TBL1X: variants seen among roughly 807,000 people sequenced by gnomAD.
TBL1X encodes F-box-like/WD repeat-containing protein TBL1X.
Under a neutral mutation model 50.7 loss-of-function variants are expected in TBL1X, and 10 were observed. The observed-to-expected ratio is 0.20, with a 90% CI of 0.12 to 0.33. TBL1X has a LOEUF of 0.33. TBL1X is among the 10% of genes least tolerant of loss of function. TBL1X has a pLI of 1.00. For missense variants in TBL1X, 340 were observed against 504.4 expected, an observed-to-expected ratio of 0.67 and a Z score of 3.12; for synonymous variants, 190 against 214.7, an observed-to-expected ratio of 0.88 and a Z score of 1.01.
intron 2 of TBL1X, chrX:9,637,474 A>G (rs969132898): frequency 1.8e-5 from 2 of 112,300 alleles, no homozygotes; most frequent in African/African-American, 3.2e-5. Context: ...TCTTTCATTC[A>G]TTAAGCTAAC....
At chrX:9,697,664 G>C (rs1414956295) in intron 12 of TBL1X, among the ~76,000 whole-genome samples, 1 of 111,744 alleles carries the variant, frequency 8.9e-6, no homozygotes, top group Non-Finnish European at 1.9e-5. Flanking sequence ...CCAGCCACTT[G>C]GGAGGTTGAG....
intron 2 of TBL1X, among the ~76,000 whole-genome samples, chrX:9,528,343 C>T (rs780205026): frequency 9.0e-6 from 1 of 111,256 alleles, no homozygotes; most frequent in African/African-American, 3.3e-5. Context: ...AGTTCATTTC[C>T]GAGGAATTGT....
intron 2 of TBL1X, among the ~76,000 whole-genome samples, chrX:9,633,692 TAC>T (rs1278151681): frequency 1.8e-5 from 2 of 112,474 alleles, no homozygotes; most frequent in African/African-American, 6.5e-5. Context: ...CTTAAAAAAA[TAC>T]ACATTGGAGA....
At chrX:9,632,782 G>A (rs1268523729) in intron 2 of TBL1X, among the ~76,000 whole-genome samples, 1 of 111,832 alleles carries the variant, frequency 8.9e-6, no homozygotes, top group Non-Finnish European at 1.9e-5. Context: ...TTATGTAGAG[G>A]GTATGCAAAC....
chrX:9,715,614 G>T (rs2083273676), intron 17 of TBL1X, among the ~76,000 whole-genome samples: 1 of 112,137 alleles, frequency 8.9e-6, no homozygotes, highest in Admixed American at 9.4e-5. Flanking sequence ...GTGCGTTGTT[G>T]CTGGAAACGT....
At chrX:9,642,058 G>A (rs1160829828) in intron 3 of TBL1X, among the ~76,000 whole-genome samples, 1 of 111,541 alleles carries the variant, frequency 9.0e-6, no homozygotes, top group Non-Finnish European at 1.9e-5. Context: ...AATATTTTTC[G>A]AAATGCCATT....
intron 2 of TBL1X, among the ~76,000 whole-genome samples, chrX:9,578,736 T>G (rs1258758285): frequency 8.9e-6 from 1 of 111,756 alleles, no homozygotes; most frequent in African/African-American, 3.3e-5. Flanking sequence ...GCGGCAGCAT[T>G]TATCATCCTA....
At chrX:9,505,413 C>G (rs1170895997) in intron 2 of TBL1X, among the ~76,000 whole-genome samples, 1 of 111,983 alleles carries the variant, frequency 8.9e-6, no homozygotes. Flanking sequence ...AACCAAATAG[C>G]ATCATGATGA....
intron 2 of TBL1X, among the ~76,000 whole-genome samples, chrX:9,522,638 G>T (rs948387510): frequency 1.8e-5 from 2 of 112,025 alleles, no homozygotes; most frequent in African/African-American, 6.5e-5. Flanking sequence ...TGCCAGGAGG[G>T]TTGGGACTGT....
intron 2 of TBL1X, among the ~76,000 whole-genome samples, chrX:9,520,174 A>G (rs773794658): frequency 1.4e-4 from 16 of 112,115 alleles, no homozygotes; most frequent in Non-Finnish European, 2.8e-4. Context: ...CCTTTTATGT[A>G]GCCACAAACT....
intron 6 of TBL1X, among the ~76,000 whole-genome samples, chrX:9,685,717 C>CTTTTCT (rs2083054378): frequency 1.7e-5 from 1 of 59,651 alleles, no homozygotes; most frequent in Non-Finnish European, 2.9e-5. Context: ...CTTTTCTTTT[C>CTTTTCT]TTTTTTTTTT....
At chrX:9,690,288 C>T (rs2083088818) in intron 7 of TBL1X, among the ~76,000 whole-genome samples, 1 of 112,291 alleles carries the variant, frequency 8.9e-6, no homozygotes, top group Admixed American at 9.4e-5. Context: ...AACAAAAGGC[C>T]ACACACCAGG....
chrX:9,592,841 G>A (rs2082508083), intron 2 of TBL1X, among the ~76,000 whole-genome samples: 1 of 112,300 alleles, frequency 8.9e-6, no homozygotes, highest in African/African-American at 3.2e-5. Context: ...CCGTTGTAGG[G>A]TCACTCACAC....
intron 2 of TBL1X, among the ~76,000 whole-genome samples, chrX:9,625,882 A>C (rs2082690296): frequency 8.9e-6 from 1 of 112,323 alleles, no homozygotes; most frequent in Admixed American, 9.4e-5. Flanking sequence ...GGCGGAGGTT[A>C]CAGTGAGCCG....
rs190466894 is a variant in TBL1X at position 9,539,217 on chromosome X, C to G, written c.-131+37368C>G. 2.1e-4 allele frequency among the ~76,000 whole-genome samples: 23 copies of G among 111,808 alleles called. No homozygotes were observed. The East Asian group carries it at 6.2e-3, about 30-fold the overall frequency. The stretch of plus-strand genomic sequence containing the variant: ...TGACCTTTATCACAAGAGTGTGGTT[C>G]TATGAAGGTCGTAGGTACAATAGAA... On this transcript the variant is annotated intron_variant, in intron 2 of 17. Transcript: ENST00000645353.
At chrX:9,582,401 C>G (rs1303958874) in intron 2 of TBL1X, among the ~76,000 whole-genome samples, 1 of 112,306 alleles carries the variant, frequency 8.9e-6, no homozygotes, top group South Asian at 3.7e-4. Context: ...CTAGTACTTA[C>G]AGTTCTATTC....
chrX:9,469,400 C>T (rs756302769), intron 1 of TBL1X, among the ~76,000 whole-genome samples: 2 of 111,533 alleles, frequency 1.8e-5, no homozygotes, highest in South Asian at 3.8e-4. Flanking sequence ...TGACCTCAGG[C>T]GACCCTCCCG....
chrX:9,535,578 A>C (rs968307764), intron 2 of TBL1X, among the ~76,000 whole-genome samples: 1 of 112,499 alleles, frequency 8.9e-6, no homozygotes, highest in African/African-American at 3.2e-5. Flanking sequence ...GCGATGATGA[A>C]TTCTATCAGA....
At chrX:9,682,323 A>G (rs1196529621) in intron 5 of TBL1X, among the ~76,000 whole-genome samples, 1 of 112,294 alleles carries the variant, frequency 8.9e-6, no homozygotes, top group Non-Finnish European at 1.9e-5. Context: ...CCTTGGGGAT[A>G]GGGGAACCTG....
Sources: gnomAD v4.1 joint callset for allele counts (sites outside exome capture counted in the v4.1 genomes callset) on GRCh38, gnomAD v4.1.1 for gene constraint, MANE v1.5 for transcripts, NCBI Gene and HGNC (gene_info 2026-07-23, HGNC 2026-07-21) for gene names.